Variants in ABAT observed in about 807,000 individuals in gnomAD.
ABAT encodes 4-aminobutyrate aminotransferase, also known as 4-aminobutyrate aminotransferase, mitochondrial.
In ABAT, 45 loss-of-function variants were observed where a neutral mutation model predicts 64.6. The ratio of observed to expected loss-of-function variants is 0.70; its 90% CI spans 0.55 to 0.89. ABAT has a LOEUF of 0.89. ABAT is among the 40% of genes least tolerant of loss of function. The pLI, the probability that ABAT is intolerant of heterozygous loss-of-function variation, is 0.00. For synonymous variants in ABAT, 297 were observed against 250.5 expected, an observed-to-expected ratio of 1.19 and a Z score of -1.75; for missense variants, 633 against 658.4, an observed-to-expected ratio of 0.96 and a Z score of 0.42.
At chr16:8,760,564 G>A (rs943635733) in intron 6 of ABAT, 1 of 152,246 alleles carries the variant, frequency 6.6e-6, no homozygotes, top group Non-Finnish European at 1.5e-5. Flanking sequence ...TAGGGAACTG[G>A]TGTCCTCCTG....
intron 1 of ABAT, chr16:8,715,633 T>TAAAAA (rs61191788): frequency 1.2e-5 from 1 of 81,510 alleles, no homozygotes; most frequent in Non-Finnish European, 2.3e-5. Flanking sequence ...ACCCTGTCTC[T>TAAAAA]AAAAAAAAAA....
chr16:8,765,706 C>T (rs2059924951), intron 8 of ABAT: 1 of 152,532 alleles, frequency 6.6e-6, no homozygotes, highest in African/African-American at 2.4e-5. Context: ...AAAACAAAAA[C>T]AAAAAAAACC....
At chr16:8,775,427 TA>T (rs2060238762) in intron 13 of ABAT, among the ~76,000 whole-genome samples, 2 of 152,200 alleles carry the variant, frequency 1.3e-5, no homozygotes, top group Non-Finnish European at 2.9e-5. Flanking sequence ...CTCATTTGAC[TA>T]ATGAGGAATC....
At chr16:8,757,641 T>G in intron 5 of ABAT, 116 bp from the exon 6 acceptor site, 2 of 1,164,160 alleles carry the variant, frequency 1.7e-6, no homozygotes, top group African/African-American at 1.5e-5. Flanking sequence ...AAAGACCCTT[T>G]GGTTTTTAAA....
chr16:8,734,641 G>A (rs1418261352), intron 1 of ABAT, among the ~76,000 whole-genome samples: 3 of 152,182 alleles, frequency 2.0e-5, no homozygotes, highest in African/African-American at 7.2e-5. Flanking sequence ...CACACAGAAA[G>A]GACTCGGGAA....
In ABAT at chr16:8,735,823, G is replaced by C. The variant is rs2058909418; in HGVS notation, c.70+14G>C. ...TGCTGGTGCCTGGTAAGCCCCGGGG[G>C]TCTTGATAAGAACTGGTACTAATGG... is the stretch of plus-strand genomic sequence containing the variant. On this transcript the variant is annotated intron_variant, in intron 2 of 15. Coordinates refer to ENST00000268251, the MANE Select transcript of ABAT (RefSeq NM_020686.6). 6 of 1,591,040 alleles carry C rather than the reference G, an allele frequency of 3.8e-6. No individual in the cohort carries two copies. Among genetic ancestry groups the C allele is most frequent in the Non-Finnish European group, 5.1e-6 (6 of 1,168,140 alleles).
chr16:8,688,844 A>G (rs991905679), intron 1 of ABAT, among the ~76,000 whole-genome samples: 2 of 152,232 alleles, frequency 1.3e-5, no homozygotes, highest in Non-Finnish European at 2.9e-5. Context: ...TTGGGAGGCC[A>G]AGGCAGGTGG....
intron 12 of ABAT, among the ~76,000 whole-genome samples, 188 bp downstream of exon 12, chr16:8,773,105 TACACACACACACACACAC>T (rs35248639): frequency 8.7e-4 from 95 of 109,028 alleles, no homozygotes; most frequent in Non-Finnish European, 1.4e-3. Flanking sequence ...CCTAAAACTA[TACACACACACACACACAC>T]ACACACACAC....
rs2059091612 is a variant in ABAT, at chr16:8,739,344, C to A, written c.70+3535C>A. Among the ~76,000 whole-genome samples the A allele has an allele frequency of 2.0e-5, 3 of 152,194 alleles. No homozygotes were observed. The South Asian group carries it at 6.2e-4, about 32-fold the overall frequency. On this transcript the variant is annotated intron_variant, in intron 2 of 15. Coordinates refer to ENST00000268251, the MANE Select transcript of ABAT (RefSeq NM_020686.6). The stretch of plus-strand genomic sequence containing the variant: ...GTGAGCCTAACCGATATACCTTATC[C>A]AAGCCTCGGTTTTCTCATCAGGAAA...
At chr16:8,704,171 A>G (rs1283241471) in intron 1 of ABAT, among the ~76,000 whole-genome samples, 1 of 152,238 alleles carries the variant, frequency 6.6e-6, no homozygotes. Context: ...CCTGGGAACT[A>G]GAATCAAATT....
intron 6 of ABAT, chr16:8,760,423 T>A (rs2059762994): frequency 6.6e-6 from 1 of 152,208 alleles, no homozygotes; most frequent in Non-Finnish European, 1.5e-5. Flanking sequence ...CGTACTTCAC[T>A]TTAAATAAAC....
chr16:8,725,058 A>T (rs919593034), intron 1 of ABAT, among the ~76,000 whole-genome samples: 1 of 151,854 alleles, frequency 6.6e-6, no homozygotes, highest in African/African-American at 2.4e-5. Flanking sequence ...CTGGGATTAC[A>T]GGCGCCTGCC....
At chr16:8,759,391 G>A (rs957310811) in intron 6 of ABAT, among the ~76,000 whole-genome samples, 1 of 150,988 alleles carries the variant, frequency 6.6e-6, no homozygotes, top group African/African-American at 2.4e-5. Flanking sequence ...TACTCCCACT[G>A]AGAATGCATG....
intron 1 of ABAT, among the ~76,000 whole-genome samples, chr16:8,687,639 C>T (rs989295209): frequency 1.3e-5 from 2 of 152,206 alleles, no homozygotes; most frequent in Admixed American, 1.3e-4. Context: ...GCGGGTCATC[C>T]ATCAGGTCCC....
intron 1 of ABAT, among the ~76,000 whole-genome samples, chr16:8,723,548 C>G (rs1397783362): frequency 6.6e-6 from 1 of 152,110 alleles, no homozygotes; most frequent in Non-Finnish European, 1.5e-5. Flanking sequence ...CCATAGGGCT[C>G]TAGAATCAAT....
chr16:8,756,171 G>A (rs1054040509), intron 5 of ABAT, among the ~76,000 whole-genome samples: 4 of 152,146 alleles, frequency 2.6e-5, no homozygotes, highest in Admixed American at 1.3e-4. Context: ...AACGAGCCAC[G>A]ATTGTGCCAC....
At chr16:8,762,004 CTCCTTCTT>C (rs1567309133) in intron 6 of ABAT, among the ~76,000 whole-genome samples, 4 of 150,500 alleles carry the variant, frequency 2.7e-5, no homozygotes, top group South Asian at 4.2e-4. Flanking sequence ...TCTCCTTCTT[CTCCTTCTT>C]CTTCTTTCTT....
Position 8,768,964 on chromosome 16 carries a change from T to G in ABAT, c.807T>G (p.Cys269Trp). 6.2e-7 allele frequency: 1 copy of G among 1,614,170 alleles called. No individual in the cohort carries two copies. Among genetic ancestry groups the G allele is most frequent in the Non-Finnish European group, 8.5e-7 (1 of 1,180,026 alleles). Residue 269 changes from cysteine to tryptophan, a missense_variant, in exon 11 of 16, where the codon TGT (cysteine) becomes TGG (tryptophan). Coordinates refer to ENST00000268251, the MANE Select transcript of ABAT (RefSeq NM_020686.6). ...VKENQQEEAR[C>W]LEEVEDLIVK... The stretch of plus-strand genomic sequence containing the variant: ...AGAACCAACAGGAGGAGGCCCGCTG[T>G]CTGGAAGAGGTAATGCTCATACCCT...
intron 1 of ABAT, chr16:8,715,633 TAAAAAAAAAAAAAA>T (rs61191788): frequency 1.2e-5 from 1 of 81,530 alleles, no homozygotes; most frequent in African/African-American, 4.8e-5. Context: ...ACCCTGTCTC[TAAAAAAAAAAAAAA>T]AAAAAAAAAC....
Sources: gnomAD v4.1 joint callset for allele counts (sites outside exome capture counted in the v4.1 genomes callset) on GRCh38, gnomAD v4.1.1 for gene constraint, MANE v1.5 for transcripts, NCBI Gene and HGNC (gene_info 2026-07-23, HGNC 2026-07-21) for gene names.